MGAM: variants seen among roughly 807,000 people sequenced by gnomAD.
The protein encoded by MGAM is alpha-1,4-glucosidase.
Under a neutral mutation model 358.8 loss-of-function variants are expected in MGAM, and 253 were observed. That is an observed-to-expected ratio of 0.71 (90% CI 0.64 to 0.78). The LOEUF (loss-of-function observed/expected upper bound fraction) is 0.78, where lower values mean the gene tolerates loss of function less well. Among genes scored for constraint, MGAM ranks in the 30% least tolerant of loss-of-function variants. The probability of loss-of-function intolerance (pLI) is 0.00; values close to 1 mark genes in which losing one functional copy is unlikely to be tolerated. For synonymous variants in MGAM, 1,105 were observed against 1,227.1 expected, an observed-to-expected ratio of 0.90 and a Z score of 2.08; for missense variants, 3,080 against 3,432.6, an observed-to-expected ratio of 0.90 and a Z score of 2.57.
upstream of MGAM, among the ~76,000 whole-genome samples, chr7:141,992,177 A>G (rs115140233): frequency 1.5e-3 from 233 of 152,330 alleles, no homozygotes; most frequent in African/African-American, 5.5e-3. Flanking sequence ...AGTATTTACT[A>G]AGTAACATCA....
intron 28 of MGAM, 104 bp downstream of exon 28, chr7:142,055,830 CT>C: frequency 6.4e-7 from 1 of 1,552,604 alleles, no homozygotes. Flanking sequence ...TCACATTCTG[CT>C]TTTAGGCAAG....
In MGAM at chr7:142,090,536, A is replaced by T. The variant is rs149605036; in HGVS notation, c.6811-1377A>T. ...CCCACTGTCTTCTCACATCCTTGACAGCCAGACCCATGTAGGCTGGTCTGT... is the reference window on the plus strand; with the variant it reads ...CCCACTGTCTTCTCACATCCTTGACTGCCAGACCCATGTAGGCTGGTCTGT... On this transcript the variant is annotated intron_variant, in intron 57 of 70. Coordinates refer to ENST00000475668, the MANE Select transcript of MGAM (RefSeq NM_001365693.1). Among the ~76,000 whole-genome samples, 262 of 146,104 alleles carry T rather than the reference A, an allele frequency of 1.8e-3. 25 individuals carry two copies. Among genetic ancestry groups the T allele is most frequent in the South Asian group, 6.4e-3 (29 of 4,544 alleles).
chr7:142,091,888 A>G, intron 57 of MGAM, 25 bp from the exon 58 acceptor site: 1 of 1,408,120 alleles, frequency 7.1e-7, no homozygotes, highest in Admixed American at 2.3e-5. Flanking sequence ...GTGTGGGACA[A>G]AGAAATTATA....
rs1158363125 is a variant in MGAM at position 142,042,824 on chromosome 7, A to C, written c.2498+1978A>C. ...TAATATCTAAATATAATATCTAAAT[A>C]TAATATCTATATTATATATACATAT... On this transcript the variant is annotated intron_variant, in intron 21 of 70. Coordinates refer to ENST00000475668, the MANE Select transcript of MGAM (RefSeq NM_001365693.1). 2.0e-4 allele frequency among the ~76,000 whole-genome samples: 10 copies of C among 48,960 alleles called. No individual in the cohort carries two copies. In the South Asian group the frequency reaches 2.7e-3, roughly 13 times the overall value. The allele number at this position is 48,960 out of a possible 152,430, so 32.1% of individuals were successfully genotyped here.
chr7:142,087,508 G>A (rs112277203), intron 57 of MGAM, among the ~76,000 whole-genome samples: 3 of 146,218 alleles, frequency 2.1e-5, no homozygotes, highest in African/African-American at 7.3e-5. Flanking sequence ...GTACCCACAG[G>A]CAGGATTCTT....
At position 142,094,682 on chromosome 7, in the gene MGAM, A is replaced by G. The variant is rs1229528912; in HGVS notation, c.7341+28A>G. ...GAGTGTCCTTGGGATCCTCCTAAGC[A>G]CCAAGAAGGTGGGGACATCTTTCAG... is the stretch of plus-strand genomic sequence containing the variant. On this transcript the variant is annotated intron_variant, in intron 62 of 70. Transcript: ENST00000475668. The G allele has an allele frequency of 2.5e-6, 4 of 1,612,366 alleles. No homozygotes were observed. The Admixed American group carries it at 5.0e-5, about 20-fold the overall frequency.
chr7:142,088,702 C>A (rs1473373802), intron 57 of MGAM, among the ~76,000 whole-genome samples: 1 of 139,462 alleles, frequency 7.2e-6, no homozygotes, highest in Non-Finnish European at 1.6e-5. Context: ...ATCTATCCAT[C>A]CAGCCACCCT....
At chr7:142,040,915 A>G in intron 21 of MGAM, 69 bp downstream of exon 21, 7 of 1,512,230 alleles carry the variant, frequency 4.6e-6, no homozygotes, top group Non-Finnish European at 6.2e-6. Flanking sequence ...TTCTTTTCGA[A>G]ACACACTAAC....
At chr7:142,013,269 T>C (rs537916369) in intron 3 of MGAM, among the ~76,000 whole-genome samples, 3 of 152,040 alleles carry the variant, frequency 2.0e-5, no homozygotes, top group South Asian at 4.1e-4. Context: ...GTTGAGTGAC[T>C]GAGGTCTAAT....
intron 63 of MGAM, 36 bp downstream of exon 63, chr7:142,094,899 G>T: frequency 6.3e-7 from 1 of 1,597,022 alleles, no homozygotes. Context: ...TGTTTCACTT[G>T]AAACACAGCC....
chr7:142,038,399 T>A (rs1808191284), intron 18 of MGAM, 132 bp from the exon 19 acceptor site: 3 of 654,334 alleles, frequency 4.6e-6, no homozygotes, highest in Non-Finnish European at 8.0e-6. Flanking sequence ...TGAGTAGGTG[T>A]CACAGAATAA....
At chr7:141,989,936 A>T (rs76620461) in intron 2 of MGAM, among the ~76,000 whole-genome samples, 1,555 of 152,344 alleles carry the variant, frequency 0.01, 30 homozygotes, top group African/African-American at 0.035. Flanking sequence ...CAAGGATTTT[A>T]TTCCAGGAAG....
chr7:142,076,562 G>T lies in MGAM; in HGVS notation c.5326-97G>T, dbSNP rs1813756442. ...AAAGCAGAGAGGCATTCATGGCAGT[G>T]GGGGGTATCCAGTCTGGAATAGAAT... On this transcript the variant is annotated intron_variant, in intron 46 of 70. Coordinates refer to ENST00000475668, the MANE Select transcript of MGAM (RefSeq NM_001365693.1). 1.8e-5 allele frequency: 20 copies of T among 1,125,192 alleles called. No homozygotes were observed. The South Asian group carries it at 2.6e-4, about 15-fold the overall frequency. 69.7% of individuals were successfully genotyped at this position (1,125,192 alleles called of 1,614,324 possible). A position where few individuals can be genotyped will look rare whatever the true frequency, so the allele number is the denominator to read the frequency against.
rs779297595 is a variant in MGAM at position 142,055,997 on chromosome 7, C to G, written c.3484-3C>G. The G allele has an allele frequency of 1.2e-6, 2 of 1,608,878 alleles. No individual in the cohort carries two copies. The highest frequency in any genetic ancestry group is 1.7e-6 in the Non-Finnish European group (2 of 1,177,406). ...CCTACTGCTTCTTCCCATGACTCCC[C>G]AGTACAAGAAGAATTCCTATGGTGT... On this transcript the variant is annotated splice_polypyrimidine_tract_variant and splice_region_variant and intron_variant, in intron 28 of 70. Coordinates refer to ENST00000475668, the MANE Select transcript of MGAM (RefSeq NM_001365693.1).
At chr7:142,101,231 G>GT (rs1816415389) in intron 68 of MGAM, among the ~76,000 whole-genome samples, 1 of 152,124 alleles carries the variant, frequency 6.6e-6, no homozygotes, top group Non-Finnish European at 1.5e-5. Context: ...TACTGTCCCA[G>GT]TAAGAGGGGT....
Position 142,036,903 on chromosome 7 carries a change from A to G in MGAM, c.2157A>G (p.Leu719=). 4 of 1,613,642 alleles carry G rather than the reference A, an allele frequency of 2.5e-6. No individual in the cohort carries two copies. The highest frequency in any genetic ancestry group is 2.5e-6 in the Non-Finnish European group (3 of 1,179,662). ...ACTACCTTAACATCCGCTATACTCT[A>G]TTGCCCTACCTATACACCCTCTTCT... ...SRHYLNIRYT[L]LPYLYTLFFR... is the part of the protein sequence containing the mutation. Residue 719 remains leucine, a synonymous_variant, in exon 18 of 71, where the codon CTA becomes CTG. Transcript: ENST00000475668.
chr7:142,034,144 G>A (rs1584952957), intron 14 of MGAM, 118 bp from the exon 15 acceptor site: 1 of 665,076 alleles, frequency 1.5e-6, no homozygotes, highest in East Asian at 2.7e-5. Flanking sequence ...CAGTGTGACT[G>A]TTTACAGGAT....
chr7:142,093,419 G>A lies in MGAM; in HGVS notation c.7041G>A (p.Glu2347=), dbSNP rs1277184221. 1 of 1,537,762 alleles carries A rather than the reference G, an allele frequency of 6.5e-7. No homozygotes were observed. The highest frequency in any genetic ancestry group is 1.3e-5 in the African/African-American group (1 of 74,428). ...LNHPPYMPYL[E]SRDRGLSSKT... Reference sequence around the variant, plus strand: ...CCAGTTCTTCCTCCTCAGATTTGGAGTCCAGGGACAGGGGCCTGAGCAGCA... The same window carrying A: ...CCAGTTCTTCCTCCTCAGATTTGGAATCCAGGGACAGGGGCCTGAGCAGCA... Residue 2347 remains glutamate (E), a synonymous_variant, in exon 60 of 71, where the codon GAG becomes GAA. Coordinates refer to ENST00000475668, the MANE Select transcript of MGAM (RefSeq NM_001365693.1).
intron 21 of MGAM, among the ~76,000 whole-genome samples, chr7:142,042,946 ATT>A (rs1563149514): frequency 1.6e-5 from 1 of 63,012 alleles, no homozygotes; most frequent in African/African-American, 6.2e-5. Context: ...TAATATATAT[ATT>A]ATATATACAT....
Sources: allele counts gnomAD v4.1 joint callset (sites outside exome capture counted in the v4.1 genomes callset), GRCh38; gene constraint gnomAD v4.1.1; transcripts MANE v1.5; gene names NCBI Gene and HGNC (gene_info 2026-07-23, HGNC 2026-07-21).